SUSD4: variants seen among roughly 807,000 people sequenced by gnomAD.
SUSD4 encodes the protein sushi domain containing 4, also known as sushi domain-containing protein 4.
Under a neutral mutation model 50.5 loss-of-function variants are expected in SUSD4, and 41 were observed. That is an observed-to-expected ratio of 0.81 (90% CI 0.63 to 1.05). The LOEUF (loss-of-function observed/expected upper bound fraction) is 1.05. Ranked by LOEUF, SUSD4 falls within the 50% of genes least tolerant of loss-of-function variation. SUSD4 has a pLI of 0.00. For synonymous variants in SUSD4, 257 were observed against 257.3 expected (o/e 1.00, Z 0.01); for missense variants, 580 against 634.7 (o/e 0.91, Z 0.93).
rs1659770392 is a variant in SUSD4, at chr1:223,229,785, C to T, written c.725-397G>A. 6.6e-6 allele frequency among the ~76,000 whole-genome samples: 1 copy of T among 152,194 alleles called. No individual in the cohort carries two copies. Among genetic ancestry groups the T allele is most frequent in the East Asian group, 1.9e-4 (1 of 5,196 alleles). ...TCTTTACTGAAAGGCATAGTTATCC[C>T]AAGCCTGTTTCTGTGACCACAGTAG... On this transcript the variant is annotated intron_variant, in intron 5 of 8. Transcript: ENST00000366878. This position sits in a 1 kb window ranked among gnomAD's most constrained non-coding sequence, Gnocchi z 4.7.
At chr1:223,330,428 T>C (rs1667111121) in intron 2 of SUSD4, among the ~76,000 whole-genome samples, 1 of 152,238 alleles carries the variant, frequency 6.6e-6, no homozygotes. Flanking sequence ...TGCTGGAATA[T>C]CTTTATTCTT....
intron 2 of SUSD4, among the ~76,000 whole-genome samples, chr1:223,310,543 T>G (rs958254477): frequency 5.9e-5 from 9 of 152,194 alleles, no homozygotes; most frequent in Non-Finnish European, 8.8e-5. Context: ...TACAAAAGTG[T>G]ATACAGCATG....
At chr1:223,298,284 C>A (rs1046216544) in intron 2 of SUSD4, among the ~76,000 whole-genome samples, 2 of 152,194 alleles carry the variant, frequency 1.3e-5, no homozygotes, top group African/African-American at 4.8e-5. Context: ...CACTGACAGT[C>A]CCAGGAGCTT....
intron 2 of SUSD4, among the ~76,000 whole-genome samples, chr1:223,362,998 T>C (rs1340659863): frequency 7.4e-6 from 1 of 135,118 alleles, no homozygotes; most frequent in Non-Finnish European, 1.6e-5. Context: ...GGCCAGGCTT[T>C]ATTGTCTTTC....
chr1:223,362,920 C>T (rs1669067924), intron 2 of SUSD4, among the ~76,000 whole-genome samples: 1 of 94,294 alleles, frequency 1.1e-5, no homozygotes, highest in African/African-American at 4.1e-5. Context: ...ATACACCACT[C>T]CCCACTGCCC....
In SUSD4 at chr1:223,332,497, CATTGCACAGAG is replaced by C. The variant is rs1402765568; in HGVS notation, c.148+30770_148+30780del. The stretch of plus-strand genomic sequence containing the variant: ...TTACCTAACACCAGCTTTCCTAGTT[CATTGCACAGAG>C]ATATATAAAGTTTCTTAGGATCTGT... On this transcript the variant is annotated intron_variant, in intron 2 of 8. Transcript: ENST00000366878. This position sits in a 1 kb window ranked among gnomAD's most constrained non-coding sequence, Gnocchi z 4.0. Among the ~76,000 whole-genome samples the C allele has an allele frequency of 6.6e-6, 1 of 152,176 alleles. No homozygotes were observed. The highest frequency in any genetic ancestry group is 1.5e-5 in the Non-Finnish European group (1 of 68,020).
rs1361538847 is a variant in SUSD4 at position 223,227,404 on chromosome 1, GGAAA to G, written c.1061+186_1061+189del. On this transcript the variant is annotated intron_variant, in intron 7 of 8. Coordinates refer to ENST00000366878, the MANE Select transcript of SUSD4 (RefSeq NM_017982.4). This position sits in a 1 kb window ranked among gnomAD's most constrained non-coding sequence, Gnocchi z 4.5. Reference sequence around the variant, plus strand: ...ACTGCAGGAAGGAGGGAGAGAGGTAGGAAAGAAAGAAAGAGGAAAATGAGGTCTG... The same window carrying G: ...ACTGCAGGAAGGAGGGAGAGAGGTAGGAAAGAAAGAGGAAAATGAGGTCTG... Among the ~76,000 whole-genome samples, 2 of 152,168 alleles carry G rather than the reference GGAAA, an allele frequency of 1.3e-5. No homozygotes were observed. The highest frequency in any genetic ancestry group is 6.5e-5 in the Admixed American group (1 of 15,268).
At chr1:223,282,813 G>A (rs1006996318) in intron 3 of SUSD4, among the ~76,000 whole-genome samples, 1 of 152,172 alleles carries the variant, frequency 6.6e-6, no homozygotes, top group African/African-American at 2.4e-5. Context: ...CAAAGCTGGA[G>A]GCATCACGCT....
At chr1:223,225,352 G>A (rs540692761) in intron 7 of SUSD4, among the ~76,000 whole-genome samples, 167 of 152,262 alleles carry the variant, frequency 1.1e-3, no homozygotes, top group African/African-American at 3.8e-3. Flanking sequence ...CAGGCTGTGC[G>A]TCTCTCTAAA....
chr1:223,263,920 T>C (rs1662298235), intron 5 of SUSD4: 1 of 985,346 alleles, frequency 1.0e-6, no homozygotes, highest in Non-Finnish European at 1.2e-6. Flanking sequence ...CTACCCACTA[T>C]ACTCAGATGC....
At position 223,229,045 on chromosome 1, in the gene SUSD4, G is replaced by T; in HGVS notation, c.916+152C>A. On this transcript the variant is annotated intron_variant, in intron 6 of 8. Coordinates refer to ENST00000366878, the MANE Select transcript of SUSD4 (RefSeq NM_017982.4). The surrounding 1 kb of genome is among the most constrained non-coding windows in gnomAD (Gnocchi z 4.7). Reference sequence around the variant, plus strand: ...GCATCTGGCACAGAGCCCAACAGCAGCCCCATCGACCCGCAATGATATGTT... The same window carrying T: ...GCATCTGGCACAGAGCCCAACAGCATCCCCATCGACCCGCAATGATATGTT... 1 of 762,468 alleles carries T rather than the reference G, an allele frequency of 1.3e-6. No homozygotes were observed. The highest frequency in any genetic ancestry group is 2.1e-6 in the Non-Finnish European group (1 of 486,024). 47.2% of individuals were successfully genotyped at this position (762,468 alleles called of 1,614,324 possible).
intron 2 of SUSD4, among the ~76,000 whole-genome samples, 169 bp from the exon 3 acceptor site, chr1:223,292,820 T>A (rs557735140): frequency 6.6e-6 from 1 of 152,326 alleles, no homozygotes; most frequent in South Asian, 2.1e-4. Flanking sequence ...TGCTTTTAGC[T>A]CTTTGCTCAG....
At chr1:223,246,053 C>T (rs1660901656) in intron 5 of SUSD4, among the ~76,000 whole-genome samples, 1 of 152,124 alleles carries the variant, frequency 6.6e-6, no homozygotes, top group Admixed American at 6.5e-5. Context: ...ACTCAGGAAT[C>T]ATGAGCATAG....
At chr1:223,311,922 G>A (rs1665903452) in intron 2 of SUSD4, among the ~76,000 whole-genome samples, 1 of 152,114 alleles carries the variant, frequency 6.6e-6, no homozygotes, top group Non-Finnish European at 1.5e-5. Flanking sequence ...GGATTCAGCT[G>A]TTTGCTGATT....
rs747709703 is a variant in SUSD4 at position 223,264,830 on chromosome 1, G to C, written c.536-12C>G. 1 of 1,604,814 alleles carries C rather than the reference G, an allele frequency of 6.2e-7. No homozygotes were observed. Among genetic ancestry groups the C allele is most frequent in the African/African-American group, 1.3e-5 (1 of 74,326 alleles). ...AGGTCTCAGGCAGCCTGTGGAAGGT[G>C]AAAGAAAAAGGGAAAGATTCCACTC... On this transcript the variant is annotated splice_polypyrimidine_tract_variant and intron_variant, in intron 4 of 8. Coordinates refer to ENST00000366878, the MANE Select transcript of SUSD4 (RefSeq NM_017982.4).
At position 223,250,741 on chromosome 1, in the gene SUSD4, G is replaced by A. The variant is rs551109956; in HGVS notation, c.724+13889C>T. ...CCAGAGCTAGAGGAAAAGAGAGCTGGAGGAACCCTGACAGATACAGGGAAG... is the reference window on the plus strand; with the variant it reads ...CCAGAGCTAGAGGAAAAGAGAGCTGAAGGAACCCTGACAGATACAGGGAAG... On this transcript the variant is annotated intron_variant, in intron 5 of 8. Transcript: ENST00000366878. 1.1e-4 allele frequency among the ~76,000 whole-genome samples: 17 copies of A among 152,294 alleles called. No homozygotes were observed. The East Asian group carries it at 3.1e-3, about 28-fold the overall frequency.
At chr1:223,255,474 G>C (rs969908305) in intron 5 of SUSD4, among the ~76,000 whole-genome samples, 1 of 152,158 alleles carries the variant, frequency 6.6e-6, no homozygotes, top group Non-Finnish European at 1.5e-5. Context: ...TTTCACGCCA[G>C]CAAACTCTTC....
intron 8 of SUSD4, 67 bp downstream of exon 8, chr1:223,223,182 G>C: frequency 6.7e-7 from 1 of 1,495,984 alleles, no homozygotes; most frequent in Non-Finnish European, 8.8e-7. Flanking sequence ...GTAGCAAGGA[G>C]CTGGCTTGAA....
At position 223,268,497 on chromosome 1, in the gene SUSD4, C is replaced by T. The variant is rs754568934; in HGVS notation, c.535+5G>A. ...CAGCTGAGAACTGAAGCATCAGTCCCGTACCTTGACAGATGGGCAGATTAT... is the reference window on the plus strand; with the variant it reads ...CAGCTGAGAACTGAAGCATCAGTCCTGTACCTTGACAGATGGGCAGATTAT... On this transcript the variant is annotated splice_donor_5th_base_variant and intron_variant, in intron 4 of 8. Coordinates refer to ENST00000366878, the MANE Select transcript of SUSD4 (RefSeq NM_017982.4). 4.3e-5 allele frequency: 69 copies of T among 1,611,428 alleles called. No homozygotes were observed. Among genetic ancestry groups the T allele is most frequent in the Middle Eastern group, 1.6e-4 (1 of 6,076 alleles).
Sources: gnomAD v4.1 joint callset for allele counts (sites outside exome capture counted in the v4.1 genomes callset) on GRCh38, gnomAD v4.1.1 for gene constraint, Gnocchi (gnomAD v3.1) non-coding constraint, MANE v1.5 for transcripts, NCBI Gene and HGNC (gene_info 2026-07-23, HGNC 2026-07-21) for gene names.